Variants in ZNF324B observed in about 807,000 individuals in gnomAD.
ZNF324B encodes zinc finger protein 324B.
A neutral mutation model predicts 10.6 loss-of-function variants in ZNF324B; 7 were observed. The observed-to-expected ratio is 0.66, with a 90% CI of 0.38 to 1.24. The LOEUF is 1.24. Among genes scored for constraint, ZNF324B ranks in the 50% most tolerant of loss-of-function variants. The pLI is 0.02. For synonymous variants in ZNF324B, 316 were observed against 321.0 expected (o/e 0.98, Z 0.17); for missense variants, 640 against 764.7 (o/e 0.84, Z 1.92).
chr19:58,454,849 G>GGA (rs1319113782), intron 3 of ZNF324B: 9 of 534,534 alleles, frequency 1.7e-5, no homozygotes, highest in Non-Finnish European at 2.4e-5. Context: ...GGGCACCAGG[G>GGA]GAGAAGGGAG....
intron 3 of ZNF324B, chr19:58,454,697 G>C (rs1170378788): frequency 8.9e-6 from 5 of 564,926 alleles, no homozygotes; most frequent in East Asian, 5.6e-5. Flanking sequence ...ACACAGCCTT[G>C]ACCAGGACAC....
chr19:58,441,599 GTA>G, the ZNF324B span: 6 of 152,314 alleles, frequency 3.9e-5, no homozygotes, highest in African/African-American at 1.4e-4. Context: ...GATTTTGTAG[GTA>G]TAGAGTCTGA....
At chr19:58,450,328 C>T (rs539806575), upstream of ZNF324B, among the ~76,000 whole-genome samples, 8 of 152,058 alleles carry the variant, frequency 5.3e-5, no homozygotes, top group South Asian at 2.1e-4. Context: ...CACCAGGCAT[C>T]GTGGCTCCTG....
chr19:58,440,561 A>C, the ZNF324B span: 1 of 152,384 alleles, frequency 6.6e-6, no homozygotes, highest in Admixed American at 6.5e-5. Context: ...CCCTGGGCCC[A>C]TGGAAACAGG....
the ZNF324B span, chr19:58,437,097 T>A: frequency 6.2e-7 from 1 of 1,614,114 alleles, no homozygotes; most frequent in Non-Finnish European, 8.5e-7. Flanking sequence ...GTGGTACAGG[T>A]GCCTCTGGGC....
the ZNF324B span, chr19:58,434,139 T>C: frequency 1.2e-6 from 2 of 1,613,448 alleles, no homozygotes; most frequent in Non-Finnish European, 1.7e-6. Context: ...CTCTTCCACA[T>C]TCACTGCATT....
At chr19:58,422,901 G>T in the ZNF324B span, among the ~76,000 whole-genome samples, 1 of 152,144 alleles carries the variant, frequency 6.6e-6, no homozygotes, top group Non-Finnish European at 1.5e-5. Flanking sequence ...ACAGAGTCTC[G>T]CTCTGTTGCC....
chr19:58,425,595 C>T, the ZNF324B span, among the ~76,000 whole-genome samples: 4 of 151,906 alleles, frequency 2.6e-5, no homozygotes, highest in Middle Eastern at 6.8e-3. Flanking sequence ...CTCAGCCTCC[C>T]GAGTAACTGG....
the ZNF324B span, among the ~76,000 whole-genome samples, chr19:58,422,190 T>G: frequency 9.2e-5 from 14 of 152,164 alleles, no homozygotes; most frequent in Admixed American, 8.5e-4. Context: ...ATGCTGGGAT[T>G]ACAGGCATGA....
At chr19:58,437,690 C>T in the ZNF324B span, 2 of 984,164 alleles carry the variant, frequency 2.0e-6, no homozygotes, top group African/African-American at 1.7e-5. Context: ...ACACTGTAGG[C>T]ATTCTCCCTA....
rs201350922 is a variant in ZNF324B, at chr19:58,456,560, T to C, written c.1616T>C (p.Leu539Pro). The C allele has an allele frequency of 6.4e-5, 103 of 1,613,792 alleles. No homozygotes were observed. In the African/African-American group the frequency reaches 9.9e-4, roughly 15 times the overall value. The change falls in exon 4 of 4, where the codon CTG (leucine) becomes CCG (proline). Residue 539 changes from leucine to proline, a missense_variant. Physicochemically the swap from Leu to Pro is moderately conservative, Grantham distance 98. Around this residue, in one of 3 missense-constraint regions of ZNF324B, gnomAD observed 238 missense variants for 258.0 expected, o/e 0.92. Coordinates refer to ENST00000336614, the MANE Select transcript of ZNF324B (RefSeq NM_207395.3). This position sits in a 1 kb window ranked among gnomAD's most constrained non-coding sequence, Gnocchi z 4.7. ...CGGGGAGGGAAGCCAAGCCCAGTCC[T>C]GAAGCCAGCGAAGGTCTGAGGTCAC... ...VRRGGKPSPVLKPAKV is the reference protein window; with the variant it reads ...VRRGGKPSPVPKPAKV
At chr19:58,439,782 C>G in the ZNF324B span, 3 of 1,546,314 alleles carry the variant, frequency 1.9e-6, no homozygotes, top group Non-Finnish European at 2.6e-6. Context: ...ATCAGCAACG[C>G]TGGCAACCCC....
the ZNF324B span, chr19:58,436,899 C>T: frequency 9.4e-7 from 1 of 1,068,672 alleles, no homozygotes. Flanking sequence ...GAAGTACACA[C>T]AGCAGAACCT....
Position 58,455,680 on chromosome 19 carries a change from C to T in ZNF324B, c.736C>T (p.Leu246=). ...CCAGGAGCCCTCGACCTGGGACGAG[C>T]TGGGCGAGGCTCTTCACGCTGGGGA... ...GGQEPSTWDE[L]GEALHAGEKS... Residue 246 remains leucine (L), a synonymous_variant, in exon 4 of 4, where the codon CTG becomes TTG. Coordinates refer to ENST00000336614, the MANE Select transcript of ZNF324B (RefSeq NM_207395.3). The surrounding 1 kb of genome is among the most constrained non-coding windows in gnomAD (Gnocchi z 7.0). 6.2e-7 allele frequency: 1 copy of T among 1,613,506 alleles called. No homozygotes were observed. Among genetic ancestry groups the T allele is most frequent in the African/African-American group, 1.3e-5 (1 of 75,036 alleles).
At chr19:58,454,595 C>T (rs1336988979) in intron 3 of ZNF324B, 11 of 564,820 alleles carry the variant, frequency 1.9e-5, no homozygotes, top group Admixed American at 6.3e-5. Flanking sequence ...GAACCCTCCA[C>T]AACTAGCAGC....
the ZNF324B span, among the ~76,000 whole-genome samples, chr19:58,427,377 T>TTC: frequency 8.8e-3 from 403 of 45,800 alleles, 5 homozygotes; most frequent in African/African-American, 0.027. Flanking sequence ...TTTCTTTCTT[T>TTC]CTTTCTTTCT....
chr19:58,440,262 G>C, the ZNF324B span: 5 of 224,778 alleles, frequency 2.2e-5, no homozygotes, highest in Non-Finnish European at 4.5e-5. Flanking sequence ...CCCTATGCCC[G>C]TCACGCTACT....
rs768181874 is a variant in ZNF324B at position 58,451,658 on chromosome 19, C to G, written c.-53C>G. ...GCTCGCGTCAGGCCACACCGGTGGT[C>G]TGGGCTGTGGCGCGCGGGTCGGGGC... On this transcript the variant is annotated 5_prime_UTR_variant, in exon 1 of 4. Coordinates refer to ENST00000336614, the MANE Select transcript of ZNF324B (RefSeq NM_207395.3). 1.4e-5 allele frequency: 7 copies of G among 512,928 alleles called. No homozygotes were observed. Among genetic ancestry groups the G allele is most frequent in the South Asian group, 7.0e-5 (5 of 71,388 alleles). The allele number at this position is 512,928 out of a possible 1,614,324, so 31.8% of individuals were successfully genotyped here. A position where few individuals can be genotyped will look rare whatever the true frequency, so the allele number is the denominator to read the frequency against.
chr19:58,436,893 T>C, the ZNF324B span: 1 of 1,004,718 alleles, frequency 1.0e-6, no homozygotes, highest in Non-Finnish European at 1.6e-6. Context: ...ACAGGGGAAG[T>C]ACACACAGCA....
Sources: gnomAD v4.1 joint callset for allele counts (sites outside exome capture counted in the v4.1 genomes callset) on GRCh38, gnomAD v4.1.1 for gene constraint, gnomAD v4.1.1 regional missense constraint, Gnocchi (gnomAD v3.1) non-coding constraint, MANE v1.5 for transcripts, NCBI Gene and HGNC (gene_info 2026-07-23, HGNC 2026-07-21) for gene names.